The following MME variants were observed in gnomAD, a reference collection of about 807,000 sequenced individuals.
MME encodes membrane metalloendopeptidase, also known as neprilysin.
MME carries 98 observed loss-of-function variants against 113.2 expected under a neutral mutation model. That is an observed-to-expected ratio of 0.87 (90% confidence interval 0.74 to 1.02). The LOEUF (loss-of-function observed/expected upper bound fraction) is 1.02. MME is among the 50% of genes least tolerant of loss of function. MME has a pLI of 0.00. For synonymous variants in MME, 292 were observed against 300.6 expected (o/e 0.97, Z 0.30); for missense variants, 836 against 896.0 (o/e 0.93, Z 0.86).
chr3:155,092,642 T>C (rs1716391182), intron 3 of MME, among the ~76,000 whole-genome samples: 1 of 152,174 alleles, frequency 6.6e-6, no homozygotes, highest in African/African-American at 2.4e-5. Context: ...AAATGCCATA[T>C]AGCTATAAAC....
chr3:155,141,908 C>T, intron 10 of MME, 83 bp from the exon 11 acceptor site: 1 of 1,479,340 alleles, frequency 6.8e-7, no homozygotes, highest in Admixed American at 1.7e-5. Flanking sequence ...TCAAACTGAT[C>T]CAACCCTCTA....
intron 16 of MME, among the ~76,000 whole-genome samples, chr3:155,159,928 T>C (rs1398904171): frequency 6.6e-6 from 1 of 152,028 alleles, no homozygotes; most frequent in Non-Finnish European, 1.5e-5. Context: ...GATATCTTAG[T>C]TCCCAAAAAG....
intron 1 of MME, among the ~76,000 whole-genome samples, chr3:155,052,274 G>A (rs1713790013): frequency 6.6e-6 from 1 of 152,126 alleles, no homozygotes. Flanking sequence ...GGATCTGGAA[G>A]ACGGTGGCCC....
chr3:155,128,687 T>C (rs918015852), intron 8 of MME, among the ~76,000 whole-genome samples: 17 of 152,188 alleles, frequency 1.1e-4, no homozygotes, highest in African/African-American at 4.1e-4. Flanking sequence ...TGTCTTTTTT[T>C]TTCTATAAAA....
At chr3:155,042,157 A>G (rs1034931155) in intron 1 of MME, among the ~76,000 whole-genome samples, 6 of 152,192 alleles carry the variant, frequency 3.9e-5, no homozygotes, top group African/African-American at 1.4e-4. Flanking sequence ...ACAAACACTC[A>G]GGAACTCAGA....
chr3:155,079,215 A>AGGAG (rs1360302844), upstream of MME, among the ~76,000 whole-genome samples: 6 of 152,122 alleles, frequency 3.9e-5, no homozygotes, highest in Non-Finnish European at 8.8e-5. Flanking sequence ...AAGAAAACGA[A>AGGAG]GGAGGGAGGG....
intron 9 of MME, 70 bp downstream of exon 9, chr3:155,138,306 T>G (rs972007489): frequency 4.7e-6 from 7 of 1,497,678 alleles, no homozygotes; most frequent in Non-Finnish European, 6.5e-6. Context: ...CTCTCTATCA[T>G]ACTTTAAGAG....
At chr3:155,107,352 C>CA (rs199544238) in intron 3 of MME, among the ~76,000 whole-genome samples, 14,417 of 69,800 alleles carry the variant, frequency 0.21, 1,028 homozygotes, top group Middle Eastern at 0.39. Context: ...GACTCTGTCT[C>CA]AAAAAAAAAA....
chr3:155,155,583 A>T (rs1196630970), intron 16 of MME, among the ~76,000 whole-genome samples: 1 of 152,198 alleles, frequency 6.6e-6, no homozygotes, highest in Non-Finnish European at 1.5e-5. Flanking sequence ...TTCAATTAAG[A>T]ACAAAACATG....
chr3:155,096,891 G>A (rs1036125896), intron 3 of MME, among the ~76,000 whole-genome samples: 1 of 152,050 alleles, frequency 6.6e-6, no homozygotes, highest in Admixed American at 6.6e-5. Flanking sequence ...GTTAAGTTTT[G>A]TAATTTTCTG....
At chr3:155,028,986 C>A (rs1712881028) in intron 1 of MME, among the ~76,000 whole-genome samples, 1 of 152,140 alleles carries the variant, frequency 6.6e-6, no homozygotes, top group Non-Finnish European at 1.5e-5. Context: ...AATCATTTAG[C>A]CAAAGTGATC....
chr3:155,101,554 C>G (rs1040548275), intron 3 of MME, among the ~76,000 whole-genome samples: 1 of 152,190 alleles, frequency 6.6e-6, no homozygotes, highest in African/African-American at 2.4e-5. Context: ...AGGGATTTCA[C>G]TCCTGGCTCA....
At chr3:155,028,586 T>C (rs1484173541) in intron 1 of MME, among the ~76,000 whole-genome samples, 1 of 152,150 alleles carries the variant, frequency 6.6e-6, no homozygotes, top group African/African-American at 2.4e-5. Context: ...GAACAGATCA[T>C]CAGAGCAAGA....
intron 1 of MME, among the ~76,000 whole-genome samples, chr3:155,056,038 C>G (rs1713915340): frequency 6.6e-6 from 1 of 152,034 alleles, no homozygotes; most frequent in Admixed American, 6.6e-5. Context: ...TCCACCCCAT[C>G]CCACCCAATT....
At chr3:155,089,560 G>A (rs1007379813) in intron 3 of MME, among the ~76,000 whole-genome samples, 3 of 152,212 alleles carry the variant, frequency 2.0e-5, no homozygotes, top group Non-Finnish European at 4.4e-5. Flanking sequence ...GTCCCCTGCA[G>A]GCAGCACGGT....
At chr3:155,109,879 A>G (rs903651129) in intron 3 of MME, among the ~76,000 whole-genome samples, 1 of 152,244 alleles carries the variant, frequency 6.6e-6, no homozygotes, top group African/African-American at 2.4e-5. Context: ...CTTAGGCAGG[A>G]ACCCTGCTAC....
At chr3:155,173,334 A>AG in intron 22 of MME, among the ~76,000 whole-genome samples, 1 of 48,312 alleles carries the variant, frequency 2.1e-5, no homozygotes, top group African/African-American at 1.8e-4. Flanking sequence ...CAAGAAAGTT[A>AG]AAAAAAAAAA....
chr3:155,063,711 T>C (rs921227884), intron 1 of MME, among the ~76,000 whole-genome samples: 1 of 136,778 alleles, frequency 7.3e-6, no homozygotes, highest in African/African-American at 2.7e-5. Context: ...TATTATATTA[T>C]ATTATATATA....
At chr3:155,159,814 AT>A (rs1722583552) in intron 16 of MME, among the ~76,000 whole-genome samples, 1 of 152,084 alleles carries the variant, frequency 6.6e-6, no homozygotes, top group African/African-American at 2.4e-5. Flanking sequence ...TTTTAAAGTC[AT>A]ACAAAAATAT....
Sources: gnomAD v4.1 joint callset for allele counts (sites outside exome capture counted in the v4.1 genomes callset) on GRCh38, gnomAD v4.1.1 for gene constraint, MANE v1.5 for transcripts, NCBI Gene and HGNC (gene_info 2026-07-23, HGNC 2026-07-21) for gene names.